The following HMCN1 variants were observed in gnomAD, a reference collection of about 807,000 sequenced individuals.
HMCN1 encodes hemicentin 1.
A neutral mutation model predicts 625.9 loss-of-function variants in HMCN1; 321 were observed. That is an observed-to-expected ratio of 0.51 (90% CI 0.47 to 0.56). The LOEUF (loss-of-function observed/expected upper bound fraction) is 0.56. Among genes scored for constraint, HMCN1 ranks in the 20% least tolerant of loss-of-function variants. The probability of loss-of-function intolerance (pLI) is 0.00; values close to 1 mark genes in which losing one functional copy is unlikely to be tolerated. For synonymous variants in HMCN1, 2,425 were observed against 2,417.6 expected (o/e 1.00, Z -0.09); for missense variants, 6,588 against 6,887.3 (o/e 0.96, Z 1.54).
At chr1:185,764,374 C>G (rs1040116324) in intron 1 of HMCN1, among the ~76,000 whole-genome samples, 1 of 152,104 alleles carries the variant, frequency 6.6e-6, no homozygotes, top group Non-Finnish European at 1.5e-5. Context: ...GTTAATATTT[C>G]AAGTGGTATT....
chr1:186,182,082 T>C, intron 104 of HMCN1, 86 bp from the exon 105 acceptor site: 1 of 1,476,856 alleles, frequency 6.8e-7, no homozygotes. Flanking sequence ...TTCTAATGTA[T>C]ATCAACAACT....
intron 1 of HMCN1, among the ~76,000 whole-genome samples, chr1:185,804,658 C>A (rs1259060518): frequency 6.6e-6 from 1 of 152,080 alleles, no homozygotes; most frequent in Non-Finnish European, 1.5e-5. Flanking sequence ...GACCTTCTAC[C>A]TCTCCTTCCA....
intron 4 of HMCN1, among the ~76,000 whole-genome samples, chr1:185,874,402 A>G (rs1397414226): frequency 6.6e-6 from 1 of 152,052 alleles, no homozygotes; most frequent in Admixed American, 6.6e-5. Context: ...AGGAAATTTT[A>G]TTTGAGAAAT....
intron 36 of HMCN1, among the ~76,000 whole-genome samples, chr1:186,024,615 A>C (rs544240078): frequency 6.6e-6 from 1 of 152,196 alleles, no homozygotes; most frequent in Non-Finnish European, 1.5e-5. Flanking sequence ...GATGTATGTT[A>C]CCTTGAGTAA....
At position 186,178,675 on chromosome 1, in the gene HMCN1, T is replaced by C. The variant is rs1652751661; in HGVS notation, c.16203T>C (p.Tyr5401=). Residue 5401 remains tyrosine (Y), a synonymous_variant, in exon 104 of 107, where the codon TAT becomes TAC. Coordinates refer to ENST00000271588, the MANE Select transcript of HMCN1 (RefSeq NM_031935.3). The part of the protein sequence containing the change: ...YSHLYSSYSE[Y]RNSRTSLSRT... ...ATCTCTACAGCTCCTACTCAGAGTA[T>C]AGAAACAGCAGAACATCTCTCTCCA... 3 of 1,614,122 alleles carry C rather than the reference T, an allele frequency of 1.9e-6. No individual in the cohort carries two copies. Among genetic ancestry groups the C allele is most frequent in the Non-Finnish European group, 2.5e-6 (3 of 1,179,960 alleles).
intron 42 of HMCN1, among the ~76,000 whole-genome samples, chr1:186,049,093 T>C (rs940790836): frequency 4.6e-5 from 7 of 152,052 alleles, no homozygotes; most frequent in Admixed American, 1.3e-4. Flanking sequence ...GCCCTTTGTC[T>C]TCCACAGCCA....
chr1:186,146,722 T>A (rs1650339708), intron 93 of HMCN1, among the ~76,000 whole-genome samples: 1 of 152,200 alleles, frequency 6.6e-6, no homozygotes, highest in Non-Finnish European at 1.5e-5. Flanking sequence ...CATTATCGAC[T>A]AATTAACAAG....
intron 34 of HMCN1, 102 bp downstream of exon 34, chr1:186,018,454 G>GT: frequency 8.4e-7 from 1 of 1,185,192 alleles, no homozygotes; most frequent in Non-Finnish European, 1.3e-6. Flanking sequence ...TAAATCCTGA[G>GT]TTGTGGAAGG....
At chr1:185,998,503 G>A (rs1442236479) in intron 25 of HMCN1, among the ~76,000 whole-genome samples, 2 of 152,118 alleles carry the variant, frequency 1.3e-5, no homozygotes, top group African/African-American at 2.4e-5. Flanking sequence ...GGGAGGTGAA[G>A]CCTGGAAGGA....
In HMCN1 at chr1:186,178,553, C is replaced by T; in HGVS notation, c.16081C>T (p.Pro5361Ser). 1 of 1,614,050 alleles carries T rather than the reference C, an allele frequency of 6.2e-7. No homozygotes were observed. Among genetic ancestry groups the T allele is most frequent in the African/African-American group, 1.3e-5 (1 of 75,008 alleles). ...GKSCAGLERL[P>S]NYGTQYSSYN... ...ATCTTGCGCTGGATTGGAGAGGCTG[C>T]CAAATTATGGCACTCAATACAGTAG... Residue 5361 changes from proline (P) to serine (S), a missense_variant, in exon 104 of 107, where the codon CCA (proline) becomes TCA (serine). Pro to Ser is a moderately conservative substitution (Grantham distance 74, BLOSUM62 -1). Transcript: ENST00000271588.
chr1:185,776,252 T>C (rs546377052), intron 1 of HMCN1, among the ~76,000 whole-genome samples: 1 of 152,306 alleles, frequency 6.6e-6, no homozygotes, highest in Non-Finnish European at 1.5e-5. Flanking sequence ...TCTTGTGCAC[T>C]TAATAATTGG....
chr1:185,835,793 A>G (rs1008930864), intron 1 of HMCN1, among the ~76,000 whole-genome samples: 9 of 152,154 alleles, frequency 5.9e-5, no homozygotes, highest in Non-Finnish European at 1.0e-4. Context: ...ATAAATAGGC[A>G]TACATAATTG....
At chr1:185,918,829 C>A (rs1426462189) in intron 6 of HMCN1, among the ~76,000 whole-genome samples, 2 of 152,082 alleles carry the variant, frequency 1.3e-5, no homozygotes, top group South Asian at 2.1e-4. Flanking sequence ...CATCTAATAT[C>A]TAGAAAGTTT....
At chr1:185,741,911 G>T (rs561673636) in intron 1 of HMCN1, among the ~76,000 whole-genome samples, 67 of 152,234 alleles carry the variant, frequency 4.4e-4, no homozygotes, top group African/African-American at 1.5e-3. Context: ...TTGTTCATGA[G>T]GCTAAAACTG....
chr1:186,120,121 G>C lies in HMCN1; in HGVS notation c.12205G>C (p.Gly4069Arg), dbSNP rs1373184531. Residue 4069 changes from glycine (G) to arginine (R), a missense_variant, in exon 80 of 107, where the codon GGC (glycine) becomes CGC (arginine). By Grantham distance (125) the Gly-to-Arg change is moderately radical. Around this residue, in one of 3 missense-constraint regions of HMCN1, gnomAD observed 1,954 missense variants for 2,013.1 expected, o/e 0.97. Transcript: ENST00000271588. ...VAQNPAGTALGKIKLNVQVPP... is the reference protein window; with the variant it reads ...VAQNPAGTALRKIKLNVQVPP... ...CCAGAACCCGGCTGGTACAGCCTTGGGCAAAATCAAGTTAAATGTCCAAGG... is the reference window on the plus strand; with the variant it reads ...CCAGAACCCGGCTGGTACAGCCTTGCGCAAAATCAAGTTAAATGTCCAAGG... 16 of 1,613,614 alleles carry C rather than the reference G, an allele frequency of 9.9e-6. No homozygotes were observed. Among genetic ancestry groups the C allele is most frequent in the Non-Finnish European group, 1.4e-5 (16 of 1,179,878 alleles).
At position 186,059,903 on chromosome 1, in the gene HMCN1, T is replaced by C. The variant is rs966351928; in HGVS notation, c.7313-1948T>C. Reference sequence around the variant, plus strand: ...AAGGAGAATCGTGAAACTTATGAGGTTGACGTTTGTAGAGCCAGCAGTGAT... The same window carrying C: ...AAGGAGAATCGTGAAACTTATGAGGCTGACGTTTGTAGAGCCAGCAGTGAT... On this transcript the variant is annotated intron_variant, in intron 46 of 106. Transcript: ENST00000271588. Among the ~76,000 whole-genome samples the C allele has an allele frequency of 5.3e-5, 8 of 152,014 alleles. No homozygotes were observed. The East Asian group carries it at 1.5e-3, about 29-fold the overall frequency.
At chr1:185,802,061 G>A (rs1329701756) in intron 1 of HMCN1, among the ~76,000 whole-genome samples, 1 of 152,134 alleles carries the variant, frequency 6.6e-6, no homozygotes, top group African/African-American at 2.4e-5. Context: ...AAGGACTAAG[G>A]TTGTGGTTGA....
At position 186,087,241 on chromosome 1, in the gene HMCN1, G is replaced by T. The variant is rs776569442; in HGVS notation, c.9071G>T (p.Arg3024Leu). The change falls in exon 59 of 107, where the codon CGG becomes CTG. Residue 3024 changes from arginine (R) to leucine (L), a missense_variant. By Grantham distance (102) the Arg-to-Leu change is moderately radical. Around this residue, in one of 3 missense-constraint regions of HMCN1, gnomAD observed 4,628 missense variants for 4,853.1 expected, o/e 0.95. Coordinates refer to ENST00000271588, the MANE Select transcript of HMCN1 (RefSeq NM_031935.3). ...GGTGGTCGAACTCTACAGATTATTC[G>T]GGCCAAGGTATCAGATGGTGGTGAA... is the stretch of plus-strand genomic sequence containing the variant. ...VPGGRTLQII[R>L]AKVSDGGEYT... 1 of 1,612,722 alleles carries T rather than the reference G, an allele frequency of 6.2e-7. No individual in the cohort carries two copies. The highest frequency in any genetic ancestry group is 8.5e-7 in the Non-Finnish European group (1 of 1,179,068).
chr1:185,833,788 A>G (rs1661014777), intron 1 of HMCN1, among the ~76,000 whole-genome samples: 1 of 151,938 alleles, frequency 6.6e-6, no homozygotes, highest in South Asian at 2.1e-4. Flanking sequence ...CTTTTTCTTA[A>G]TTGTTTTTTC....
Sources: gnomAD v4.1 joint callset for allele counts (sites outside exome capture counted in the v4.1 genomes callset) on GRCh38, gnomAD v4.1.1 for gene constraint, gnomAD v4.1.1 regional missense constraint, MANE v1.5 for transcripts, NCBI Gene and HGNC (gene_info 2026-07-23, HGNC 2026-07-21) for gene names.